Variants in SMG1 observed in about 807,000 individuals in gnomAD.
SMG1 encodes SMG1 nonsense mediated mRNA decay associated PI3K related kinase.
SMG1 carries 22 observed loss-of-function variants against 419.9 expected under a neutral mutation model. The ratio of observed to expected loss-of-function variants is 0.05; its 90% confidence interval spans 0.04 to 0.07. The LOEUF (loss-of-function observed/expected upper bound fraction) is 0.07. SMG1 is among the 10% of genes least tolerant of loss of function. SMG1 has a pLI of 1.00. For synonymous variants in SMG1, 1,538 were observed against 1,553.5 expected, an observed-to-expected ratio of 0.99 and a Z score of 0.23; for missense variants, 3,185 against 4,342.0, an observed-to-expected ratio of 0.73 and a Z score of 7.49.
intron 54 of SMG1, among the ~76,000 whole-genome samples, chr16:18,828,464 A>G (rs2032917005): frequency 6.6e-6 from 1 of 152,206 alleles, no homozygotes; most frequent in South Asian, 2.1e-4. Context: ...TAAGGAAGTT[A>G]AGTACAAGTT....
At chr16:18,905,287 C>G (rs561770548) in intron 1 of SMG1, among the ~76,000 whole-genome samples, 1 of 151,992 alleles carries the variant, frequency 6.6e-6, no homozygotes, top group Admixed American at 6.6e-5. Context: ...AACAAAAAAA[C>G]CCTTTAACTG....
intron 39 of SMG1, 104 bp downstream of exon 39, chr16:18,845,325 T>TA: frequency 2.0e-6 from 2 of 979,664 alleles, no homozygotes; most frequent in Non-Finnish European, 3.0e-6. Flanking sequence ...TATAGGCTTA[T>TA]AAAATCTCTT....
chr16:18,842,171 T>C (rs945510921), intron 40 of SMG1, 37 bp downstream of exon 40: 7 of 1,578,188 alleles, frequency 4.4e-6, no homozygotes, highest in African/African-American at 2.7e-5. Flanking sequence ...GTAAGACTAA[T>C]ACTCTTCTGA....
chr16:18,835,967 T>C lies in SMG1; in HGVS notation c.8023A>G (p.Thr2675Ala), dbSNP rs1170870981. Residue 2675 changes from threonine (T) to alanine (A), a missense_variant, in exon 48 of 63, where the codon ACC becomes GCC. By Grantham distance (58) the Thr-to-Ala change is moderately conservative (BLOSUM62 0). Transcript: ENST00000446231. ...KTWMEELICN[T>A]TVERCQELYR... ...AGCTCTTGACAACGCTCTACTGTGGTGTTACAGATGAGCTCTTCCATCCAG... is the reference window on the plus strand; with the variant it reads ...AGCTCTTGACAACGCTCTACTGTGGCGTTACAGATGAGCTCTTCCATCCAG... 1.3e-6 allele frequency: 2 copies of C among 1,553,434 alleles called. No individual in the cohort carries two copies. The highest frequency in any genetic ancestry group is 1.7e-6 in the Non-Finnish European group (2 of 1,147,672).
At chr16:18,834,569 G>A (rs2141246846) in intron 49 of SMG1, 131 bp from the exon 50 acceptor site, 1 of 827,418 alleles carries the variant, frequency 1.2e-6, no homozygotes, top group Non-Finnish European at 1.9e-6. Context: ...TTCAGGCCAG[G>A]AGTTCGAGAC....
chr16:18,864,123 C>A lies in SMG1; in HGVS notation c.3372G>T (p.Glu1124Asp). The A allele has an allele frequency of 6.5e-7, 1 of 1,547,058 alleles. No homozygotes were observed. The highest frequency in any genetic ancestry group is 8.7e-7 in the Non-Finnish European group (1 of 1,145,864). The change falls in exon 24 of 63, where the codon GAG becomes GAT. Residue 1124 changes from glutamate (E) to aspartate (D), a missense_variant. Glu to Asp is a conservative substitution (Grantham distance 45). Transcript: ENST00000446231. ...TCATGGCACACAGGTGTTCCTGGTACTCCACAGAGGCCTTTTCAAACCTGA... is the reference window on the plus strand; with the variant it reads ...TCATGGCACACAGGTGTTCCTGGTAATCCACAGAGGCCTTTTCAAACCTGA... ...AEGRFEKASV[E>D]YQEHLCAMTG...
chr16:18,816,382 C>T lies in SMG1; in HGVS notation c.10222G>A (p.Val3408Ile). 1.9e-6 allele frequency: 3 copies of T among 1,613,940 alleles called. No individual in the cohort carries two copies. Among genetic ancestry groups the T allele is most frequent in the South Asian group, 1.1e-5 (1 of 91,088 alleles). ...ETVCETIQNL[V>I]DNIKTVLTGH... ...GTGAGCACAGTCTTTATATTATCAA[C>T]CAGATTCTGAATTGTTTCACAGACC... Residue 3408 changes from valine to isoleucine, a missense_variant, in exon 58 of 63, where the codon GTT becomes ATT. Around this residue, in one of 27 missense-constraint regions of SMG1, gnomAD observed 737 missense variants for 846.6 expected, o/e 0.87. Coordinates refer to ENST00000446231, the MANE Select transcript of SMG1 (RefSeq NM_015092.5).
At chr16:18,874,903 C>CAT (rs2036032274) in intron 13 of SMG1, among the ~76,000 whole-genome samples, 1 of 94,578 alleles carries the variant, frequency 1.1e-5, no homozygotes, top group Non-Finnish European at 1.9e-5. Context: ...AAAAAAAAGC[C>CAT]TTTTTTTTTT....
At chr16:18,877,002 C>T (rs1378800150) in intron 12 of SMG1, 129 bp downstream of exon 12, 14 of 640,540 alleles carry the variant, frequency 2.2e-5, no homozygotes, top group Non-Finnish European at 5.3e-6. Context: ...AGAACAAATA[C>T]AATCACTATA....
chr16:18,859,321 T>C, intron 27 of SMG1, 140 bp from the exon 28 acceptor site: 1 of 653,188 alleles, frequency 1.5e-6, no homozygotes, highest in Non-Finnish European at 2.6e-6. Flanking sequence ...TATAATAAAA[T>C]GATATTAGCA....
intron 56 of SMG1, among the ~76,000 whole-genome samples, chr16:18,818,611 T>C (rs1048829054): frequency 1.3e-5 from 2 of 152,140 alleles, no homozygotes; most frequent in Non-Finnish European, 1.5e-5. Context: ...TTGGGATTTC[T>C]ATTAAATATG....
chr16:18,852,121 T>C lies in SMG1; in HGVS notation c.4998A>G (p.Lys1666=). The part of the protein sequence containing the change: ...LLPDTITEEE[K]ERIYGILGQA... ...GTCCAAGAATACCATATATTCTCTC[T>C]TTCTCTTCCTCAGTTATAGTGTCTG... The change falls in exon 33 of 63, where the codon AAA becomes AAG. Residue 1666 remains lysine, a synonymous_variant. Transcript: ENST00000446231. 1.2e-6 allele frequency: 2 copies of C among 1,613,882 alleles called. No homozygotes were observed. Among genetic ancestry groups the C allele is most frequent in the South Asian group, 2.2e-5 (2 of 91,050 alleles).
Position 18,849,385 on chromosome 16 carries a change from G to C in SMG1, c.5462-7C>G, listed in dbSNP as rs2034464498. ...AAAAGTTGCGGAATAATTCCTTCAG[G>C]ACAAGAAGAGAGAAAGACACTTTAA... On this transcript the variant is annotated splice_polypyrimidine_tract_variant and splice_region_variant and intron_variant, in intron 35 of 62. Coordinates refer to ENST00000446231, the MANE Select transcript of SMG1 (RefSeq NM_015092.5). The C allele has an allele frequency of 6.2e-7, 1 of 1,604,546 alleles. No homozygotes were observed. Among genetic ancestry groups the C allele is most frequent in the African/African-American group, 1.3e-5 (1 of 74,582 alleles).
chr16:18,809,289 T>G lies in SMG1; in HGVS notation c.*280A>C. ...GCAGCTAACCTCCCGACACGTCTGC[T>G]GCTGTTCTGTGGCAGAAAGACAATC... On this transcript the variant is annotated 3_prime_UTR_variant, in exon 63 of 63. Coordinates refer to ENST00000446231, the MANE Select transcript of SMG1 (RefSeq NM_015092.5). 1 of 429,970 alleles carries G rather than the reference T, an allele frequency of 2.3e-6. No homozygotes were observed. Among genetic ancestry groups the G allele is most frequent in the East Asian group, 4.1e-5 (1 of 24,118 alleles). The allele number at this position is 429,970 out of a possible 1,614,324, so 26.6% of individuals were successfully genotyped here.
intron 55 of SMG1, among the ~76,000 whole-genome samples, chr16:18,827,468 A>ATT (rs1256671344): frequency 6.9e-6 from 1 of 144,990 alleles, no homozygotes; most frequent in African/African-American, 2.5e-5. Context: ...ATATATATAT[A>ATT]TTTTTATATA....
intron 9 of SMG1, among the ~76,000 whole-genome samples, chr16:18,882,594 A>G (rs959349419): frequency 6.6e-6 from 1 of 152,228 alleles, no homozygotes; most frequent in African/African-American, 2.4e-5. Flanking sequence ...GAAAGCTGTT[A>G]GGGAAAAATA....
At chr16:18,839,263 G>C (rs2033769313) in intron 42 of SMG1, among the ~76,000 whole-genome samples, 1 of 152,070 alleles carries the variant, frequency 6.6e-6, no homozygotes, top group African/African-American at 2.4e-5. Context: ...TGTCACTGGG[G>C]TTTGATGTAC....
intron 58 of SMG1, chr16:18,815,968 C>G: frequency 2.2e-6 from 1 of 450,624 alleles, no homozygotes; most frequent in East Asian, 4.2e-5. Context: ...TGGAGGCAAA[C>G]TGTATGGGTT....
chr16:18,885,693 G>A (rs1567425235), intron 6 of SMG1, 27 bp from the exon 7 acceptor site: 1 of 1,593,358 alleles, frequency 6.3e-7, no homozygotes, highest in Non-Finnish European at 8.5e-7. Context: ...TACAAACCGT[G>A]AACATTCAAC....
Sources: gnomAD v4.1 joint callset for allele counts (sites outside exome capture counted in the v4.1 genomes callset) on GRCh38, gnomAD v4.1.1 for gene constraint, gnomAD v4.1.1 regional missense constraint, MANE v1.5 for transcripts, NCBI Gene and HGNC (gene_info 2026-07-23, HGNC 2026-07-21) for gene names.